The following ELN variants were observed in gnomAD, a reference collection of about 807,000 sequenced individuals.
The protein encoded by ELN is elastin, also known as tropoelastin.
In ELN, 65 loss-of-function variants were observed where a neutral mutation model predicts 105.8. That is an observed-to-expected ratio of 0.61 (90% CI 0.50 to 0.75). The LOEUF (loss-of-function observed/expected upper bound fraction) is 0.75, where lower values mean the gene tolerates loss of function less well. Among genes scored for constraint, ELN ranks in the 30% least tolerant of loss-of-function variants. The pLI is 0.00. For missense variants in ELN, 882 were observed against 969.4 expected (o/e 0.91, Z 1.20); for synonymous variants, 368 against 389.2 (o/e 0.95, Z 0.64).
intron 21 of ELN, chr7:74,057,266 A>T: frequency 1.2e-6 from 1 of 822,590 alleles, no homozygotes; most frequent in Non-Finnish European, 1.8e-6. Context: ...AAAAAGAAAA[A>T]GAATTGAAGG....
chr7:74,044,062 A>C (rs1208094563), intron 9 of ELN, 142 bp downstream of exon 9: 1 of 1,136,952 alleles, frequency 8.8e-7, no homozygotes, highest in Non-Finnish European at 1.3e-6. Context: ...CCTGGGCATC[A>C]TAGTAAGGCC....
chr7:74,028,440 C>G (rs1165275710), intron 1 of ELN, among the ~76,000 whole-genome samples, 171 bp downstream of exon 1: 1 of 152,216 alleles, frequency 6.6e-6, no homozygotes, highest in Non-Finnish European at 1.5e-5. Context: ...GAGCCAGCCC[C>G]GTGCCCAGGA....
intron 19 of ELN, among the ~76,000 whole-genome samples, chr7:74,056,002 G>T (rs1333976338): frequency 9.9e-5 from 15 of 151,542 alleles, no homozygotes; most frequent in African/African-American, 3.4e-4. Flanking sequence ...GGCCAGGCTG[G>T]TCTCGAACTC....
intron 19 of ELN, among the ~76,000 whole-genome samples, 180 bp from the exon 20 acceptor site, chr7:74,056,091 A>ATT (rs201973900): frequency 6.6e-6 from 1 of 151,954 alleles, no homozygotes; most frequent in Non-Finnish European, 1.5e-5. Context: ...CCGGCCCCAC[A>ATT]TTTTTTTTAA....
intron 24 of ELN, 37 bp downstream of exon 24, chr7:74,060,221 C>T (rs782116960): frequency 1.2e-5 from 20 of 1,613,950 alleles, no homozygotes; most frequent in Admixed American, 5.0e-5. Flanking sequence ...CTCTCCCCAA[C>T]GATCTCAGAG....
chr7:74,060,319 A>C, intron 24 of ELN, 57 bp from the exon 25 acceptor site: 13 of 1,613,878 alleles, frequency 8.1e-6, no homozygotes, highest in Non-Finnish European at 1.1e-5. Context: ...TGGGCAGGAC[A>C]CCTCCTTAGG....
At chr7:74,049,064 C>T (rs148607599) in intron 15 of ELN, among the ~76,000 whole-genome samples, 1 of 84,710 alleles carries the variant, frequency 1.2e-5, no homozygotes, top group African/African-American at 4.5e-5. Context: ...TTCATCCATC[C>T]ATCTATCCAT....
chr7:74,069,636 C>T lies in ELN; in HGVS notation c.*936C>T, dbSNP rs782364484. On this transcript the variant is annotated 3_prime_UTR_variant, in exon 33 of 33. Transcript: ENST00000252034. ...TCCTGCCCCGCCCATCTTTTTGTGT[C>T]TCGCTGTGATAGATCAATAAATATT... The T allele has an allele frequency of 4.3e-6, 1 of 233,372 alleles. No individual in the cohort carries two copies. Among genetic ancestry groups the T allele is most frequent in the African/African-American group, 2.2e-5 (1 of 45,274 alleles). 14.5% of individuals were successfully genotyped at this position (233,372 alleles called of 1,614,324 possible).
intron 3 of ELN, among the ~76,000 whole-genome samples, chr7:74,036,814 CT>C (rs1190242639): frequency 2.6e-5 from 4 of 151,966 alleles, no homozygotes; most frequent in South Asian, 4.2e-4. Flanking sequence ...CCTATTTCTT[CT>C]TTTTTTTGGT....
chr7:74,046,188 G>T lies in ELN; in HGVS notation c.542G>T (p.Gly181Val), dbSNP rs1554672012. 1.2e-6 allele frequency: 2 copies of T among 1,614,256 alleles called. No homozygotes were observed. The highest frequency in any genetic ancestry group is 1.7e-6 in the Non-Finnish European group (2 of 1,180,048). ...TAGTGACAGCTTTTTATCATTACAG[G>T]TGTAGGTGGAGCTTTTGCTGGAATC... ...TGAGVKPKAP[G>V]VGGAFAGIPG... The change falls in exon 11 of 33, where the codon GGT becomes GTT. Residue 181 changes from glycine to valine, a missense_variant and splice_region_variant. Gly to Val is a moderately radical substitution (Grantham distance 109). Transcript: ENST00000252034.
chr7:74,061,210 G>C lies in ELN; in HGVS notation c.1786+71G>C, dbSNP rs1236152891. ...ATCCCTGACAGCACAGGACTGGGGTGGTCACAATAGAAAAAGGCAGTTTCG... is the reference window on the plus strand; with the variant it reads ...ATCCCTGACAGCACAGGACTGGGGTCGTCACAATAGAAAAAGGCAGTTTCG... On this transcript the variant is annotated intron_variant, in intron 26 of 32. Coordinates refer to ENST00000252034, the MANE Select transcript of ELN (RefSeq NM_000501.4). The C allele has an allele frequency of 2.5e-6, 4 of 1,603,160 alleles. No homozygotes were observed. In the East Asian group the frequency reaches 8.9e-5, roughly 36 times the overall value.
Position 74,056,717 on chromosome 7 carries a change from A to AGTGCCC in ELN, c.1357+5_1357+10dup. 6.2e-7 allele frequency: 1 copy of AGTGCCC among 1,613,842 alleles called. No homozygotes were observed. The highest frequency in any genetic ancestry group is 8.5e-7 in the Non-Finnish European group (1 of 1,180,014). On this transcript the variant is annotated splice_donor_region_variant and intron_variant, in intron 21 of 32. Coordinates refer to ENST00000252034, the MANE Select transcript of ELN (RefSeq NM_000501.4). ...GCCGCCAAGGCTGCCAAGTACGGTAAGTGCCCCTGCCCTGCCTGTCCCCAA... is the reference window on the plus strand; with the variant it reads ...GCCGCCAAGGCTGCCAAGTACGGTAAGTGCCCGTGCCCCTGCCCTGCCTGTCCCCAA...
At chr7:74,055,792 A>T (rs1173728920) in intron 19 of ELN, among the ~76,000 whole-genome samples, 33 of 116,570 alleles carry the variant, frequency 2.8e-4, no homozygotes, top group Admixed American at 1.7e-3. Context: ...AAAAAAAGAA[A>T]TTTTTTTTTT....
At chr7:74,053,101 C>A in intron 17 of ELN, 62 bp from the exon 18 acceptor site, 4 of 1,612,806 alleles carry the variant, frequency 2.5e-6, no homozygotes, top group South Asian at 1.1e-5. Flanking sequence ...ACTCTACTAA[C>A]CACCCTTCTA....
intron 9 of ELN, among the ~76,000 whole-genome samples, chr7:74,044,732 C>T (rs562263309): frequency 6.6e-6 from 1 of 152,232 alleles, no homozygotes. Flanking sequence ...CTCTCTCCCC[C>T]ACTACGCTGA....
At chr7:74,051,863 C>G in intron 16 of ELN, 24 bp downstream of exon 16, 8 of 1,614,144 alleles carry the variant, frequency 5.0e-6, no homozygotes, top group Non-Finnish European at 6.8e-6. Context: ...CAGCAGGGGG[C>G]GGGTGTGTCC....
chr7:74,037,727 C>A lies in ELN; in HGVS notation c.184C>A (p.Pro62Thr). The A allele has an allele frequency of 6.2e-7, 1 of 1,612,344 alleles. No individual in the cohort carries two copies. Among genetic ancestry groups the A allele is most frequent in the Non-Finnish European group, 8.5e-7 (1 of 1,179,376 alleles). Reference sequence around the variant, plus strand: ...TGCAGCGCTGGGGCCTGGAGGCAAACCTCTTAAGCCAGGTAAGACCCAAGG... The same window carrying A: ...TGCAGCGCTGGGGCCTGGAGGCAAAACTCTTAAGCCAGGTAAGACCCAAGG... ...GGGALGPGGK[P>T]LKPVPGGLAG... Residue 62 changes from proline to threonine, a missense_variant, in exon 4 of 33, where the codon CCT becomes ACT. By Grantham distance (38) the Pro-to-Thr change is conservative. Transcript: ENST00000252034.
At chr7:74,036,983 G>T (rs1308724018) in intron 3 of ELN, among the ~76,000 whole-genome samples, 1 of 152,004 alleles carries the variant, frequency 6.6e-6, no homozygotes, top group African/African-American at 2.4e-5. Flanking sequence ...ACCACGCCCA[G>T]CTTATTTTTG....
At chr7:74,052,266 TG>T (rs1794216860) in intron 17 of ELN, 3 of 509,414 alleles carry the variant, frequency 5.9e-6, no homozygotes, top group African/African-American at 3.8e-5. Context: ...ATCAACTAAA[TG>T]GGTGCCCAGT....
Sources: allele counts gnomAD v4.1 joint callset (sites outside exome capture counted in the v4.1 genomes callset), GRCh38; gene constraint gnomAD v4.1.1; transcripts MANE v1.5; gene names NCBI Gene and HGNC (gene_info 2026-07-23, HGNC 2026-07-21).